Variants in FAM161A observed in about 807,000 individuals in gnomAD.
FAM161A encodes the protein FAM161 centrosomal protein A.
In FAM161A, 57 loss-of-function variants were observed where a neutral mutation model predicts 70.9. The ratio of observed to expected loss-of-function variants is 0.80; its 90% confidence interval spans 0.65 to 1.00. The LOEUF (loss-of-function observed/expected upper bound fraction) is 1.00. Ranked by LOEUF, FAM161A falls within the 50% of genes least tolerant of loss-of-function variation. The probability of loss-of-function intolerance (pLI) is 0.00; values close to 1 mark genes in which losing one functional copy is unlikely to be tolerated. For missense variants in FAM161A, 880 were observed against 836.0 expected (o/e 1.05, Z -0.65); for synonymous variants, 299 against 295.7 (o/e 1.01, Z -0.12).
At chr2:61,805,345 G>A in the FAM161A span, among the ~76,000 whole-genome samples, 30 of 152,198 alleles carry the variant, frequency 2.0e-4, no homozygotes, top group African/African-American at 5.3e-4. Flanking sequence ...GCAAAACCCC[G>A]TGTCTACTAA....
chr2:61,834,624 G>A (rs1171111837), intron 5 of FAM161A, among the ~76,000 whole-genome samples: 10 of 151,958 alleles, frequency 6.6e-5, no homozygotes, highest in Non-Finnish European at 8.8e-5. Context: ...AACCATGCCC[G>A]GCTAATTTTT....
At chr2:61,842,603 G>A (rs765687859) in intron 1 of FAM161A, among the ~76,000 whole-genome samples, 3 of 152,196 alleles carry the variant, frequency 2.0e-5, no homozygotes, top group Non-Finnish European at 4.4e-5. Flanking sequence ...TAATCCATTT[G>A]ATAAAGGATG....
In FAM161A at chr2:61,825,888, C is replaced by T. The variant is rs770552321; in HGVS notation, c.*567G>A. ...TCCTGACCTCGTGATCCACCCGTCT[C>T]GGCCTCCCAAAATGCTGGGATTACA... On this transcript the variant is annotated 3_prime_UTR_variant, in exon 7 of 7. Transcript: ENST00000404929. The T allele has an allele frequency of 3.1e-5, 14 of 453,932 alleles. No individual in the cohort carries two copies. The highest frequency in any genetic ancestry group is 9.4e-5 in the Admixed American group (4 of 42,514). 28.1% of individuals were successfully genotyped at this position (453,932 alleles called of 1,614,324 possible).
chr2:61,852,415 G>A (rs1479030345), intron 1 of FAM161A, among the ~76,000 whole-genome samples: 3 of 152,202 alleles, frequency 2.0e-5, no homozygotes, highest in Non-Finnish European at 4.4e-5. Context: ...TTGCTCTTTA[G>A]AGGAGACACA....
the FAM161A span, among the ~76,000 whole-genome samples, chr2:61,808,431 C>A: frequency 3.9e-5 from 6 of 152,082 alleles, no homozygotes; most frequent in Non-Finnish European, 7.4e-5. Flanking sequence ...TGCCACCATG[C>A]CTAGCTAATT....
In FAM161A at chr2:61,840,601, A is replaced by G. The variant is rs772932637; in HGVS notation, c.423-20T>C. On this transcript the variant is annotated intron_variant, in intron 2 of 6. Transcript: ENST00000404929. ...ACAGATCTAAATGAGAAGAATAACT[A>G]TGTTATACTTTCAGTTGTATGTGAC... 2.0e-6 allele frequency: 3 copies of G among 1,476,112 alleles called. No individual in the cohort carries two copies. Among genetic ancestry groups the G allele is most frequent in the Non-Finnish European group, 2.8e-6 (3 of 1,054,568 alleles). 91.4% of individuals were successfully genotyped at this position (1,476,112 alleles called of 1,614,324 possible).
chr2:61,800,955 C>T, the FAM161A span, among the ~76,000 whole-genome samples: 6 of 151,950 alleles, frequency 3.9e-5, no homozygotes, highest in Non-Finnish European at 8.8e-5. Flanking sequence ...AAGCGTGCAC[C>T]ACCACACCCA....
chr2:61,842,890 G>A (rs1289135372), intron 1 of FAM161A, among the ~76,000 whole-genome samples: 2 of 152,194 alleles, frequency 1.3e-5, no homozygotes, highest in Admixed American at 6.5e-5. Context: ...CAAGGAGCCA[G>A]GGAGAAGCCC....
At chr2:61,837,792 T>A (rs1316898472) in intron 4 of FAM161A, among the ~76,000 whole-genome samples, 1 of 152,160 alleles carries the variant, frequency 6.6e-6, no homozygotes, top group Non-Finnish European at 1.5e-5. Context: ...GGGTAAGTAA[T>A]CTATTTCTAA....
chr2:61,839,624 A>G lies in FAM161A; in HGVS notation c.1380T>C (p.His460=). ...TTTTAATAGATGCATGTGGAGATGCATGAAGATCAAATGGTTTACACACTG... is the reference window on the plus strand; with the variant it reads ...TTTTAATAGATGCATGTGGAGATGCGTGAAGATCAAATGGTTTACACACTG... ...LLTVCKPFDL[H]ASPHASIKRE... is the part of the protein sequence containing the mutation. Residue 460 remains histidine, a synonymous_variant, in exon 3 of 7, where the codon CAT becomes CAC. Coordinates refer to ENST00000404929, the MANE Select transcript of FAM161A (RefSeq NM_001201543.2). The G allele has an allele frequency of 3.7e-6, 6 of 1,614,242 alleles. No homozygotes were observed. Among genetic ancestry groups the G allele is most frequent in the South Asian group, 1.1e-5 (1 of 91,082 alleles).
Position 61,839,844 on chromosome 2 carries a change from C to A in FAM161A, c.1160G>T (p.Arg387Ile), listed in dbSNP as rs376870638. The change falls in exon 3 of 7, where the codon AGA (arginine) becomes ATA (isoleucine). Residue 387 changes from arginine to isoleucine, a missense_variant. By Grantham distance (97) the Arg-to-Ile change is moderately conservative. Coordinates refer to ENST00000404929, the MANE Select transcript of FAM161A (RefSeq NM_001201543.2). ...TGAGTTCTGTAAATGCTCCTGGGCT[C>A]TCAGCTGTGTCCTAAGGTTTCGATA... ...ELYRNLRTQL[R>I]AQEHLQNSSP... 6.2e-7 allele frequency: 1 copy of A among 1,614,216 alleles called. No homozygotes were observed. Among genetic ancestry groups the A allele is most frequent in the African/African-American group, 1.3e-5 (1 of 75,056 alleles).
At chr2:61,816,369 G>C in the FAM161A span, among the ~76,000 whole-genome samples, 1 of 152,146 alleles carries the variant, frequency 6.6e-6, no homozygotes, top group Non-Finnish European at 1.5e-5. Context: ...AAATCTACAA[G>C]TATCATCTTG....
intron 5 of FAM161A, among the ~76,000 whole-genome samples, chr2:61,834,869 G>A (rs1672714132): frequency 6.6e-6 from 1 of 151,918 alleles, no homozygotes; most frequent in Admixed American, 6.6e-5. Context: ...AGTGTAAAGA[G>A]CAAAAACAAA....
chr2:61,815,663 G>A, the FAM161A span, among the ~76,000 whole-genome samples: 1 of 144,046 alleles, frequency 6.9e-6, no homozygotes, highest in East Asian at 2.1e-4. Flanking sequence ...CGATTCTCCT[G>A]CCTCAGCTTC....
At chr2:61,841,640 T>A (rs549359031) in intron 2 of FAM161A, among the ~76,000 whole-genome samples, 3 of 152,314 alleles carry the variant, frequency 2.0e-5, no homozygotes, top group African/African-American at 7.2e-5. Flanking sequence ...AAAGGAGACA[T>A]GCAAGCATCG....
the FAM161A span, among the ~76,000 whole-genome samples, chr2:61,818,303 G>A: frequency 3.3e-5 from 5 of 152,042 alleles, no homozygotes; most frequent in Admixed American, 6.6e-5. Context: ...TGATCCACCC[G>A]CCTCGGTCTC....
At chr2:61,839,335 T>A (rs1321785599) in intron 3 of FAM161A, 86 bp downstream of exon 3, 4 of 1,237,626 alleles carry the variant, frequency 3.2e-6, no homozygotes, top group Non-Finnish European at 4.8e-6. Flanking sequence ...CTAAGTATTT[T>A]CAAATTTACC....
intron 2 of FAM161A, among the ~76,000 whole-genome samples, chr2:61,841,089 G>C (rs999077231): frequency 6.6e-6 from 1 of 152,192 alleles, no homozygotes; most frequent in Non-Finnish European, 1.5e-5. Flanking sequence ...ATTTTACAGG[G>C]AAGGAACCTG....
Position 61,840,558 on chromosome 2 carries a change from T to C in FAM161A, c.446A>G (p.Tyr149Cys). Reference protein sequence around the residue: ...SSRSVSEKNSYHPVSLMTSFS... With the variant: ...SSRSVSEKNSCHPVSLMTSFS... ...TGATGTCATTAATGAGACAGGGTGA[T>C]AGGAGTTCTTTTCTGATACAGATCT... The change falls in exon 3 of 7, where the codon TAT becomes TGT. Residue 149 changes from tyrosine to cysteine, a missense_variant. Physicochemically the swap from Tyr to Cys is radical, Grantham distance 194 (BLOSUM62 -2). Transcript: ENST00000404929. 1 of 1,611,894 alleles carries C rather than the reference T, an allele frequency of 6.2e-7. No homozygotes were observed. The highest frequency in any genetic ancestry group is 8.5e-7 in the Non-Finnish European group (1 of 1,177,962).
Sources: gnomAD v4.1 joint callset for allele counts (sites outside exome capture counted in the v4.1 genomes callset) on GRCh38, gnomAD v4.1.1 for gene constraint, MANE v1.5 for transcripts, NCBI Gene and HGNC (gene_info 2026-07-23, HGNC 2026-07-21) for gene names.